Variants in NDST3 observed in about 807,000 individuals in gnomAD.
NDST3 encodes N-deacetylase and N-sulfotransferase 3, also known as bifunctional heparan sulfate N-deacetylase/N-sulfotransferase 3.
NDST3 carries 58 observed loss-of-function variants against 96.1 expected under a neutral mutation model. That is an observed-to-expected ratio of 0.60 (90% CI 0.49 to 0.75). The LOEUF (loss-of-function observed/expected upper bound fraction) is 0.75, where lower values mean the gene tolerates loss of function less well. NDST3 is among the 30% of genes least tolerant of loss of function. NDST3 has a pLI of 0.00. For missense variants in NDST3, 788 were observed against 1,034.2 expected, an observed-to-expected ratio of 0.76 and a Z score of 3.27; for synonymous variants, 333 against 359.7, an observed-to-expected ratio of 0.93 and a Z score of 0.84.
At chr4:118,175,234 G>A (rs1205946496) in intron 6 of NDST3, among the ~76,000 whole-genome samples, 1 of 151,948 alleles carries the variant, frequency 6.6e-6, no homozygotes, top group Non-Finnish European at 1.5e-5. Flanking sequence ...ATCTATGCCA[G>A]TATTCCCAAG....
chr4:118,191,090 A>G (rs1031599947), intron 6 of NDST3, among the ~76,000 whole-genome samples: 4 of 152,190 alleles, frequency 2.6e-5, no homozygotes, highest in African/African-American at 9.6e-5. Context: ...ATTGTTAACT[A>G]GGCAACAAAT....
chr4:118,243,192 C>T (rs1464795807), intron 12 of NDST3, among the ~76,000 whole-genome samples: 1 of 151,748 alleles, frequency 6.6e-6, no homozygotes, highest in African/African-American at 2.4e-5. Context: ...TTCCACAGAT[C>T]GAGTAGTTTT....
chr4:118,162,047 C>T (rs915653394), intron 6 of NDST3, among the ~76,000 whole-genome samples: 10 of 152,084 alleles, frequency 6.6e-5, no homozygotes, highest in Admixed American at 2.0e-4. Context: ...TTACAAGGGA[C>T]GCGAAGGACC....
At chr4:118,097,060 G>A (rs1729374732) in intron 2 of NDST3, among the ~76,000 whole-genome samples, 1 of 151,934 alleles carries the variant, frequency 6.6e-6, no homozygotes, top group African/African-American at 2.4e-5. Flanking sequence ...CATCTTTAGA[G>A]AAGGCAATCT....
At chr4:118,181,032 G>A (rs922139433) in intron 6 of NDST3, among the ~76,000 whole-genome samples, 2 of 152,098 alleles carry the variant, frequency 1.3e-5, no homozygotes, top group Admixed American at 1.3e-4. Context: ...AAATGCCAAA[G>A]AAATCAGATA....
At chr4:118,129,294 G>T (rs1366279482) in intron 4 of NDST3, among the ~76,000 whole-genome samples, 1 of 151,566 alleles carries the variant, frequency 6.6e-6, no homozygotes, top group Admixed American at 6.6e-5. Context: ...TTATTTGAAG[G>T]TTTTTTCTTT....
At chr4:118,222,836 T>G (rs1553946343) in intron 6 of NDST3, among the ~76,000 whole-genome samples, 1 of 151,984 alleles carries the variant, frequency 6.6e-6, no homozygotes, top group Non-Finnish European at 1.5e-5. Context: ...AGCTCTCTGC[T>G]TTAATTGTCA....
In NDST3 at chr4:118,224,504, T is replaced by C; in HGVS notation, c.1553T>C (p.Met518Thr). Reference sequence around the variant, plus strand: ...TGCTTTTTTCAGATCAGCATTTTCATGACCCATTTGTCCAACTATGGGAAT... The same window carrying C: ...TGCTTTTTTCAGATCAGCATTTTCACGACCCATTTGTCCAACTATGGGAAT... ...TVVLNPISIFMTHLSNYGNDR... is the reference protein window; with the variant it reads ...TVVLNPISIFTTHLSNYGNDR... The change falls in exon 7 of 14, where the codon ATG becomes ACG. Residue 518 changes from methionine to threonine, a missense_variant. This residue lies in a region of NDST3 where 490 missense variants were observed against 708.8 expected (regional missense o/e 0.69). Transcript: ENST00000296499. 3 of 1,604,234 alleles carry C rather than the reference T, an allele frequency of 1.9e-6. No individual in the cohort carries two copies. Among genetic ancestry groups the C allele is most frequent in the Non-Finnish European group, 1.7e-6 (2 of 1,175,406 alleles).
chr4:118,085,371 C>T (rs1728339974), intron 2 of NDST3, among the ~76,000 whole-genome samples: 2 of 152,056 alleles, frequency 1.3e-5, no homozygotes, highest in Non-Finnish European at 2.9e-5. Context: ...TGCCTGAAGA[C>T]ATTCAGAATT....
chr4:118,241,948 T>A, intron 11 of NDST3, 92 bp from the exon 12 acceptor site: 1 of 819,360 alleles, frequency 1.2e-6, no homozygotes, highest in Non-Finnish European at 2.1e-6. Flanking sequence ...CAGGACAGTG[T>A]CTCTCACTGA....
At chr4:118,039,662 CTT>C (rs1724335905) in intron 1 of NDST3, among the ~76,000 whole-genome samples, 1 of 152,070 alleles carries the variant, frequency 6.6e-6, no homozygotes, top group African/African-American at 2.4e-5. Context: ...TCAGGGAAGA[CTT>C]TTGTGAGGCA....
chr4:118,237,373 C>T (rs1740709191), intron 10 of NDST3, among the ~76,000 whole-genome samples, 153 bp downstream of exon 10: 1 of 151,992 alleles, frequency 6.6e-6, no homozygotes, highest in African/African-American at 2.4e-5. Flanking sequence ...TTCTTGATTT[C>T]TATTGAGAAA....
intron 12 of NDST3, 45 bp downstream of exon 12, chr4:118,242,194 T>C (rs1741049565): frequency 7.4e-7 from 1 of 1,359,368 alleles, no homozygotes; most frequent in East Asian, 2.3e-5. Flanking sequence ...CAGCAGAGAA[T>C]TGATTTCAAA....
At chr4:118,039,909 A>G (rs1260562503) in intron 1 of NDST3, among the ~76,000 whole-genome samples, 1 of 152,240 alleles carries the variant, frequency 6.6e-6, no homozygotes, top group Admixed American at 6.5e-5. Flanking sequence ...CTTGTGGGAC[A>G]TGTACAAGAA....
At chr4:118,193,583 A>T in intron 6 of NDST3, 1 of 1,144,284 alleles carries the variant, frequency 8.7e-7, no homozygotes, top group Non-Finnish European at 1.3e-6. Flanking sequence ...CTGCCTGCAG[A>T]TCTGCTGCTG....
At chr4:118,044,127 A>G (rs1724619685) in intron 1 of NDST3, among the ~76,000 whole-genome samples, 1 of 152,200 alleles carries the variant, frequency 6.6e-6, no homozygotes, top group Non-Finnish European at 1.5e-5. Flanking sequence ...AAAGGGGACA[A>G]ATTGTAAAAT....
chr4:118,146,524 G>C lies in NDST3; in HGVS notation c.1539+2840G>C, dbSNP rs183423918. On this transcript the variant is annotated intron_variant, in intron 6 of 13. Coordinates refer to ENST00000296499, the MANE Select transcript of NDST3 (RefSeq NM_004784.3). ...AAGGGTTACAATAAGGTGCCCCTCA[G>C]AGTTAAACTGGAAAGATCACAGCAA... 2.6e-5 allele frequency among the ~76,000 whole-genome samples: 4 copies of C among 152,188 alleles called. No homozygotes were observed. In the East Asian group the frequency reaches 7.7e-4, roughly 29 times the overall value.
In NDST3 at chr4:118,068,577, TC is replaced by T. The variant is rs1212156817; in HGVS notation, c.981+13690del. On this transcript the variant is annotated intron_variant, in intron 2 of 13. Transcript: ENST00000296499. The stretch of plus-strand genomic sequence containing the variant: ...TAAATGTTTGCTTAAAAATGCAGAT[TC>T]CCCAATTCCACACTCAAAGATTTTT... 2.0e-5 allele frequency among the ~76,000 whole-genome samples: 3 copies of T among 152,134 alleles called. No individual in the cohort carries two copies. The East Asian group carries it at 5.8e-4, about 29-fold the overall frequency.
At chr4:118,184,602 T>TACACACACACACACACACAC (rs562099266) in intron 6 of NDST3, among the ~76,000 whole-genome samples, 4 of 138,580 alleles carry the variant, frequency 2.9e-5, no homozygotes, top group Admixed American at 1.5e-4. Context: ...TCTCTCTCTC[T>TACACACACACACACACACAC]ACACACACAC....
Sources: gnomAD v4.1 joint callset for allele counts (sites outside exome capture counted in the v4.1 genomes callset) on GRCh38, gnomAD v4.1.1 for gene constraint, gnomAD v4.1.1 regional missense constraint, MANE v1.5 for transcripts, NCBI Gene and HGNC (gene_info 2026-07-23, HGNC 2026-07-21) for gene names.